EIF2AK3: variants seen among roughly 807,000 people sequenced by gnomAD.
EIF2AK3 encodes the protein eukaryotic translation initiation factor 2-alpha kinase 3.
EIF2AK3 carries 50 observed loss-of-function variants against 113.5 expected under a neutral mutation model. The observed-to-expected ratio is 0.44, with a 90% CI of 0.35 to 0.56. The LOEUF (loss-of-function observed/expected upper bound fraction) is 0.56. EIF2AK3 is among the 20% of genes least tolerant of loss of function. EIF2AK3 has a pLI of 0.00. For synonymous variants in EIF2AK3, 448 were observed against 495.4 expected (o/e 0.90, Z 1.27); for missense variants, 1,185 against 1,378.0 (o/e 0.86, Z 2.22).
In EIF2AK3 at chr2:88,599,426, C is replaced by G. The variant is rs1675100295; in HGVS notation, c.439-3763G>C. 2.0e-5 allele frequency among the ~76,000 whole-genome samples: 3 copies of G among 151,860 alleles called. No individual in the cohort carries two copies. In the South Asian group the frequency reaches 6.2e-4, roughly 32 times the overall value. On this transcript the variant is annotated intron_variant, in intron 2 of 16. Coordinates refer to ENST00000303236, the MANE Select transcript of EIF2AK3 (RefSeq NM_004836.7). ...AGTTGCCATTAGAACAAATTTAGGT[C>G]AGAGTATGCACATACCCTATAATAA...
rs145956290 is a variant in EIF2AK3, at chr2:88,612,863, T to A, written c.438+861A>T. ...AGAAAAAAGACTACCCTAGGGAGTGTCCTACAAGAACAACTCGATATAAAA... is the reference window on the plus strand; with the variant it reads ...AGAAAAAAGACTACCCTAGGGAGTGACCTACAAGAACAACTCGATATAAAA... On this transcript the variant is annotated intron_variant, in intron 2 of 16. Transcript: ENST00000303236. Among the ~76,000 whole-genome samples, 391 of 152,252 alleles carry A rather than the reference T, an allele frequency of 2.6e-3. 1 individual carries two copies. The highest frequency in any genetic ancestry group is 9.2e-3 in the African/African-American group (380 of 41,530).
At chr2:88,608,105 A>G (rs906562278) in intron 2 of EIF2AK3, among the ~76,000 whole-genome samples, 3 of 151,362 alleles carry the variant, frequency 2.0e-5, no homozygotes, top group African/African-American at 7.4e-5. Flanking sequence ...GGGATCCATA[A>G]TCAATTCCTT....
chr2:88,587,219 A>C (rs920581161), intron 8 of EIF2AK3, among the ~76,000 whole-genome samples: 3 of 150,466 alleles, frequency 2.0e-5, no homozygotes, highest in Admixed American at 2.0e-4. Context: ...AAAAAAAAAA[A>C]AAAAAAAAAA....
intron 1 of EIF2AK3, among the ~76,000 whole-genome samples, chr2:88,616,492 T>C (rs1675572104): frequency 6.6e-6 from 1 of 152,170 alleles, no homozygotes; most frequent in South Asian, 2.1e-4. Context: ...AATGGCGCAA[T>C]CTCGGCTCAC....
chr2:88,605,806 A>G (rs905090736), intron 2 of EIF2AK3, among the ~76,000 whole-genome samples: 29 of 152,118 alleles, frequency 1.9e-4, no homozygotes, highest in Non-Finnish European at 3.2e-4. Context: ...TATTATGGAA[A>G]TATATATTTT....
chr2:88,584,751 G>GA (rs1168436848), intron 9 of EIF2AK3, among the ~76,000 whole-genome samples: 2 of 152,014 alleles, frequency 1.3e-5, no homozygotes, highest in Non-Finnish European at 2.9e-5. Context: ...ATTTGAGAGG[G>GA]AAGGGAGAGG....
At chr2:88,595,984 G>C in intron 2 of EIF2AK3, 1 of 397,044 alleles carries the variant, frequency 2.5e-6, no homozygotes. Context: ...AGAGTTTTAT[G>C]ATCAAGTGAG....
At chr2:88,578,470 GT>G (rs1312529459) in intron 11 of EIF2AK3, among the ~76,000 whole-genome samples, 1 of 152,096 alleles carries the variant, frequency 6.6e-6, no homozygotes, top group East Asian at 1.9e-4. Flanking sequence ...ATCACCTGAG[GT>G]CAGGAGTTTG....
chr2:88,621,600 C>G (rs566298622), intron 1 of EIF2AK3, among the ~76,000 whole-genome samples: 17 of 152,308 alleles, frequency 1.1e-4, no homozygotes, highest in Non-Finnish European at 2.5e-4. Context: ...GGCATATGTT[C>G]TTGTTTAGAA....
intron 10 of EIF2AK3, among the ~76,000 whole-genome samples, chr2:88,582,369 A>G (rs1674621567): frequency 6.6e-6 from 1 of 152,118 alleles, no homozygotes; most frequent in Non-Finnish European, 1.5e-5. Context: ...AACTACAACA[A>G]TCCAATCCAG....
intron 11 of EIF2AK3, among the ~76,000 whole-genome samples, chr2:88,576,988 T>G (rs1232759334): frequency 7.6e-6 from 1 of 130,988 alleles, no homozygotes; most frequent in Non-Finnish European, 1.5e-5. Context: ...TAGGTTATAC[T>G]TTTTTTTTTT....
At chr2:88,564,814 G>A (rs1166985033) in intron 14 of EIF2AK3, among the ~76,000 whole-genome samples, 4 of 152,158 alleles carry the variant, frequency 2.6e-5, no homozygotes, top group Non-Finnish European at 4.4e-5. Context: ...TAAAAATGCT[G>A]TAAAAAGAAA....
In EIF2AK3 at chr2:88,575,053, A is replaced by T. The variant is rs1558648042; in HGVS notation, c.2430T>A (p.Asp810Glu). 6.2e-7 allele frequency: 1 copy of T among 1,614,230 alleles called. No individual in the cohort carries two copies. The highest frequency in any genetic ancestry group is 8.5e-7 in the Non-Finnish European group (1 of 1,180,040). ...ERTSSSIVFE[D>E]SGCDNASSKE... ...TACTGGAAGCATTATCACAGCCAGA[A>T]TCTTCAAATACTATTGAAGAGGAGG... Residue 810 changes from aspartate (D) to glutamate (E), a missense_variant, in exon 13 of 17, where the codon GAT becomes GAA. Transcript: ENST00000303236.
At chr2:88,592,812 C>A (rs1326735094) in intron 4 of EIF2AK3, among the ~76,000 whole-genome samples, 2 of 151,140 alleles carry the variant, frequency 1.3e-5, no homozygotes, top group Non-Finnish European at 2.9e-5. Context: ...TAATAGTTAT[C>A]ATATGAGAAC....
At chr2:88,569,349 AAAC>A (rs1291337709) in intron 14 of EIF2AK3, among the ~76,000 whole-genome samples, 4 of 151,866 alleles carry the variant, frequency 2.6e-5, no homozygotes, top group African/African-American at 4.8e-5. Context: ...AAAAAAAAAC[AAAC>A]AACATTTTTT....
intron 13 of EIF2AK3, 44 bp downstream of exon 13, chr2:88,574,622 A>G (rs1674403400): frequency 6.2e-7 from 1 of 1,608,182 alleles, no homozygotes; most frequent in Non-Finnish European, 8.5e-7. Context: ...GAATCACAAA[A>G]CGTCAGATTG....
chr2:88,604,496 CT>C (rs1000473551), intron 2 of EIF2AK3, among the ~76,000 whole-genome samples: 21 of 152,292 alleles, frequency 1.4e-4, no homozygotes, highest in African/African-American at 5.1e-4. Flanking sequence ...TTGTTAGAGT[CT>C]TTCTTTGTGC....
chr2:88,610,371 G>C (rs1456481894), intron 2 of EIF2AK3, among the ~76,000 whole-genome samples: 1 of 152,164 alleles, frequency 6.6e-6, no homozygotes, highest in East Asian at 1.9e-4. Context: ...AGTGTTCAGA[G>C]TATAAAATGT....
chr2:88,575,376 A>T lies in EIF2AK3; in HGVS notation c.2107T>A (p.Phe703Ile). 1.2e-6 allele frequency: 2 copies of T among 1,613,956 alleles called. No homozygotes were observed. The highest frequency in any genetic ancestry group is 1.7e-6 in the Non-Finnish European group (2 of 1,180,028). ...ATTTCAATATGTTCTTTTGTAGCGA[A>T]AGGATCCATTCTGCGTATTTTAACT... ...PSVKIRRMDP[F>I]ATKEHIEIIA... Residue 703 changes from phenylalanine to isoleucine, a missense_variant, in exon 13 of 17, where the codon TTC (phenylalanine) becomes ATC (isoleucine). Coordinates refer to ENST00000303236, the MANE Select transcript of EIF2AK3 (RefSeq NM_004836.7).
Sources: allele counts gnomAD v4.1 joint callset (sites outside exome capture counted in the v4.1 genomes callset), GRCh38; gene constraint gnomAD v4.1.1; transcripts MANE v1.5; gene names NCBI Gene and HGNC (gene_info 2026-07-23, HGNC 2026-07-21).